CERKL: variants seen among roughly 807,000 people sequenced by gnomAD.
The protein encoded by CERKL is ceramide kinase-like protein.
Under a neutral mutation model 63.4 loss-of-function variants are expected in CERKL, and 61 were observed. The ratio of observed to expected loss-of-function variants is 0.96; its 90% CI spans 0.78 to 1.19. The LOEUF is 1.19. Among genes scored for constraint, CERKL ranks in the 50% most tolerant of loss-of-function variants. The pLI is 0.00. For synonymous variants in CERKL, 250 were observed against 230.5 expected (o/e 1.08, Z -0.77); for missense variants, 675 against 655.5 (o/e 1.03, Z -0.33).
At chr2:181,538,469 C>G (rs1358630756) in intron 12 of CERKL, among the ~76,000 whole-genome samples, 1 of 152,086 alleles carries the variant, frequency 6.6e-6, no homozygotes, top group Non-Finnish European at 1.5e-5. Context: ...CAATGCTCTC[C>G]ATTACCTCTG....
intron 2 of CERKL, among the ~76,000 whole-genome samples, chr2:181,583,470 A>G (rs1021948822): frequency 3.3e-5 from 5 of 152,238 alleles, no homozygotes; most frequent in African/African-American, 1.2e-4. Context: ...AGTATCAAAC[A>G]TGAATCTCAG....
chr2:181,542,546 A>G (rs577442989), intron 11 of CERKL, among the ~76,000 whole-genome samples: 44 of 152,326 alleles, frequency 2.9e-4, no homozygotes, highest in Admixed American at 9.8e-4. Flanking sequence ...TTAACAAATC[A>G]AATTAACATT....
At position 181,570,509 on chromosome 2, in the gene CERKL, CTCT is replaced by C. The variant is rs577910076; in HGVS notation, c.613+3241_613+3243del. Among the ~76,000 whole-genome samples, 301 of 152,284 alleles carry C rather than the reference CTCT, an allele frequency of 2.0e-3. 2 individuals are homozygous for C. In the Middle Eastern group the frequency reaches 0.02, roughly 10 times the overall value. ...TGCCAGCATGGGCTTATCGTTCATA[CTCT>C]TCTTTGATTTGTGTACGAATAGGTA... On this transcript the variant is annotated intron_variant, in intron 3 of 12. Coordinates refer to ENST00000410087, the MANE Select transcript of CERKL (RefSeq NM_201548.5).
At chr2:181,603,797 G>T (rs759918685) in intron 2 of CERKL, 40 bp downstream of exon 2, 1 of 1,603,804 alleles carries the variant, frequency 6.2e-7, no homozygotes, top group Admixed American at 1.7e-5. Context: ...GTATATCAAG[G>T]AAACTGGGCT....
In CERKL at chr2:181,656,921, G is replaced by A. The variant is rs1354241515; in HGVS notation, c.86C>T (p.Pro29Leu). 4.4e-6 allele frequency: 7 copies of A among 1,596,636 alleles called. No homozygotes were observed. In the African/African-American group the frequency reaches 6.7e-5, roughly 15 times the overall value. Residue 29 changes from proline to leucine, a missense_variant, in exon 1 of 13, where the codon CCT (proline) becomes CTT (leucine). Coordinates refer to ENST00000410087, the MANE Select transcript of CERKL (RefSeq NM_201548.5). ...EEAPPEAAAV[P>L]PALLTSPQQT... ...CTGCGGGGACGTTAACAGCGCCGGA[G>A]GCACAGCGGCAGCCTCCGGGGGCGC...
At chr2:181,614,148 T>C (rs1478789469) in intron 1 of CERKL, among the ~76,000 whole-genome samples, 1 of 152,160 alleles carries the variant, frequency 6.6e-6, no homozygotes, top group East Asian at 1.9e-4. Context: ...CTTCCTAGAC[T>C]TGAGAGAGAG....
Position 181,549,698 on chromosome 2 carries a change from A to T in CERKL, c.831T>A (p.Asn277Lys), listed in dbSNP as rs768174254. The T allele has an allele frequency of 1.9e-6, 3 of 1,611,366 alleles. No homozygotes were observed. The South Asian group carries it at 3.3e-5, about 18-fold the overall frequency. ...CTCCATGAAGAGAATGTGCCAATAC[A>T]TTGGTAGATCCTGCCAAAGCAATTT... ...PLGLIPAGST[N>K]VLAHSLHGVP... Residue 277 changes from asparagine to lysine, a missense_variant, in exon 6 of 13, where the codon AAT (asparagine) becomes AAA (lysine). Asn to Lys is a moderately conservative substitution (Grantham distance 94, BLOSUM62 0). Transcript: ENST00000410087.
Position 181,539,219 on chromosome 2 carries a change from C to G in CERKL, c.1411G>C (p.Val471Leu). The stretch of plus-strand genomic sequence containing the variant: ...CCACCAGTATTATTCCTTGGATGAA[C>G]TTTTACTTCCTCAACAGTGTAAGTC... Reference protein sequence around the residue: ...VETYTVEEVKVHPRNNTGGYN... With the variant: ...VETYTVEEVKLHPRNNTGGYN... Residue 471 changes from valine (V) to leucine (L), a missense_variant, in exon 12 of 13, where the codon GTT (valine) becomes CTT (leucine). Coordinates refer to ENST00000410087, the MANE Select transcript of CERKL (RefSeq NM_201548.5). The G allele has an allele frequency of 1.2e-6, 2 of 1,602,904 alleles. No homozygotes were observed. The highest frequency in any genetic ancestry group is 1.7e-6 in the Non-Finnish European group (2 of 1,170,060).
chr2:181,651,702 T>A (rs1248281150), intron 1 of CERKL, among the ~76,000 whole-genome samples: 2 of 152,104 alleles, frequency 1.3e-5, no homozygotes, highest in Admixed American at 1.3e-4. Flanking sequence ...GTAACGAGCA[T>A]CCAAATTAGA....
At chr2:181,642,731 TTTTA>T (rs1331878214) in intron 1 of CERKL, among the ~76,000 whole-genome samples, 3 of 152,106 alleles carry the variant, frequency 2.0e-5, no homozygotes, top group African/African-American at 4.8e-5. Context: ...AAAGGCCTAG[TTTTA>T]TTTTTTTTAA....
chr2:181,538,906 T>G (rs911558062), intron 12 of CERKL, among the ~76,000 whole-genome samples, 186 bp downstream of exon 12: 2 of 152,204 alleles, frequency 1.3e-5, no homozygotes, highest in Non-Finnish European at 2.9e-5. Context: ...ACATAACAGT[T>G]GAATAAATGT....
chr2:181,643,376 G>A (rs1053316140), intron 1 of CERKL, among the ~76,000 whole-genome samples: 1 of 152,214 alleles, frequency 6.6e-6, no homozygotes, highest in Non-Finnish European at 1.5e-5. Flanking sequence ...AGCGGCCACT[G>A]CTGAAATCTT....
chr2:181,624,453 T>TG (rs1345634200), intron 1 of CERKL, among the ~76,000 whole-genome samples: 1 of 151,994 alleles, frequency 6.6e-6, no homozygotes, highest in Non-Finnish European at 1.5e-5. Flanking sequence ...GAGGATCACT[T>TG]GAGCCCAGGA....
intron 1 of CERKL, among the ~76,000 whole-genome samples, chr2:181,652,035 T>C (rs973229837): frequency 1.3e-5 from 2 of 152,142 alleles, no homozygotes; most frequent in Non-Finnish European, 2.9e-5. Context: ...ATAGTACATG[T>C]TCATGGATTG....
chr2:181,618,340 T>C (rs947969871), intron 1 of CERKL, among the ~76,000 whole-genome samples: 3 of 152,120 alleles, frequency 2.0e-5, no homozygotes, highest in Non-Finnish European at 2.9e-5. Context: ...TTTTTGATTG[T>C]TTTGGAAAAT....
rs757106501 is a variant in CERKL at position 181,550,731 on chromosome 2, T to C, written c.821-1023A>G. On this transcript the variant is annotated intron_variant, in intron 5 of 12. Coordinates refer to ENST00000410087, the MANE Select transcript of CERKL (RefSeq NM_201548.5). The surrounding 1 kb of genome is among the most constrained non-coding windows in gnomAD (Gnocchi z 4.5). ...ACTGATATGTACTTGGGTTGCTAAA[T>C]TGGAGAAGCTGAGGCAGCTTAGCCA... 3.3e-5 allele frequency among the ~76,000 whole-genome samples: 5 copies of C among 152,168 alleles called. No homozygotes were observed. Among genetic ancestry groups the C allele is most frequent in the African/African-American group, 9.6e-5 (4 of 41,454 alleles).
chr2:181,646,609 C>G (rs542251478), intron 1 of CERKL, among the ~76,000 whole-genome samples: 1 of 152,268 alleles, frequency 6.6e-6, no homozygotes, highest in African/African-American at 2.4e-5. Context: ...TGAGGAACAG[C>G]AGATCAGACC....
In CERKL at chr2:181,565,420, T is replaced by G. The variant is rs766425495; in HGVS notation, c.677+638A>C. Reference sequence around the variant, plus strand: ...TAATTTTAAAAAATGGCAATGAAATTTATATCACTTGCCTTGGTTCTAACG... The same window carrying G: ...TAATTTTAAAAAATGGCAATGAAATGTATATCACTTGCCTTGGTTCTAACG... On this transcript the variant is annotated intron_variant, in intron 4 of 12. Coordinates refer to ENST00000410087, the MANE Select transcript of CERKL (RefSeq NM_201548.5). 6.2e-7 allele frequency: 1 copy of G among 1,602,684 alleles called. No individual in the cohort carries two copies. The highest frequency in any genetic ancestry group is 8.5e-7 in the Non-Finnish European group (1 of 1,170,272).
intron 1 of CERKL, among the ~76,000 whole-genome samples, chr2:181,646,637 A>T (rs2105528587): frequency 6.6e-6 from 1 of 152,340 alleles, no homozygotes; most frequent in South Asian, 2.1e-4. Flanking sequence ...TTGGGACTCC[A>T]CCATTTGGCA....
Sources: allele counts gnomAD v4.1 joint callset (sites outside exome capture counted in the v4.1 genomes callset), GRCh38; gene constraint gnomAD v4.1.1; non-coding constraint Gnocchi (gnomAD v3.1); transcripts MANE v1.5; gene names NCBI Gene and HGNC (gene_info 2026-07-23, HGNC 2026-07-21).